CACNA1A: variants seen among roughly 807,000 people sequenced by gnomAD.
The protein encoded by CACNA1A is calcium voltage-gated channel subunit alpha1 A.
Under a neutral mutation model 262.4 loss-of-function variants are expected in CACNA1A, and 57 were observed. The ratio of observed to expected loss-of-function variants is 0.22; its 90% confidence interval spans 0.18 to 0.27. The LOEUF (loss-of-function observed/expected upper bound fraction) is 0.27, where lower values mean the gene tolerates loss of function less well. Among genes scored for constraint, CACNA1A ranks in the 10% least tolerant of loss-of-function variants. The pLI is 1.00. For synonymous variants in CACNA1A, 1,431 were observed against 1,419.3 expected (o/e 1.01, Z -0.18); for missense variants, 2,526 against 3,562.8 (o/e 0.71, Z 7.41).
At chr19:13,488,741 A>C (rs1980364868) in intron 1 of CACNA1A, among the ~76,000 whole-genome samples, 1 of 151,984 alleles carries the variant, frequency 6.6e-6, no homozygotes, top group Middle Eastern at 3.2e-3. Flanking sequence ...AGGTGCAGTC[A>C]AGATCACCTG....
chr19:13,356,861 T>C (rs1170095828), intron 6 of CACNA1A, among the ~76,000 whole-genome samples: 5 of 152,144 alleles, frequency 3.3e-5, no homozygotes, highest in African/African-American at 1.2e-4. Context: ...TGACCCTTTG[T>C]CCAAGCTGTT....
At chr19:13,371,536 T>A (rs1424235525) in intron 4 of CACNA1A, 152 bp downstream of exon 4, 2 of 624,438 alleles carry the variant, frequency 3.2e-6, no homozygotes, top group Admixed American at 2.9e-5. Flanking sequence ...GTCATATTCC[T>A]AGGGGGTTCC....
rs28413664 is a variant in CACNA1A at position 13,298,605 on chromosome 19, G to C, written c.3028C>G (p.Pro1010Ala). The change falls in exon 19 of 47, where the codon CCA (proline) becomes GCA (alanine). Residue 1010 changes from proline to alanine, a missense_variant. Coordinates refer to ENST00000360228, the MANE Select transcript of CACNA1A (RefSeq NM_001127222.2). ...ERRRRHRHGA[P>A]ATYEGDARRE... ...CGCGCGTCCCCCTCGTACGTGGCTG[G>C]AGCGCCATGCCGGTGCCTTCTCCTG... 3.9e-3 allele frequency: 6,074 copies of C among 1,538,708 alleles called. 199 individuals carry two copies. The African/African-American group carries it at 0.073, about 19-fold the overall frequency.
chr19:13,479,007 G>A (rs149773463), intron 1 of CACNA1A, among the ~76,000 whole-genome samples: 18 of 152,112 alleles, frequency 1.2e-4, no homozygotes, highest in African/African-American at 4.3e-4. Flanking sequence ...AACCCCATCT[G>A]TACTAAAAAT....
chr19:13,239,319 A>G (rs1176899491), intron 31 of CACNA1A, among the ~76,000 whole-genome samples: 2 of 152,060 alleles, frequency 1.3e-5, no homozygotes, highest in East Asian at 3.9e-4. Context: ...GTCCCACCAC[A>G]GGGCCTTTGC....
At chr19:13,232,231 C>G (rs1365706727) in intron 34 of CACNA1A, among the ~76,000 whole-genome samples, 2 of 145,928 alleles carry the variant, frequency 1.4e-5, no homozygotes, top group Non-Finnish European at 3.0e-5. Context: ...GGGTCTTGCT[C>G]TGTTACCCAG....
chr19:13,298,648 G>T lies in CACNA1A; in HGVS notation c.2985C>A (p.Gly995=), dbSNP rs1051973. ...TTCTCCTGCGCTCGCCCCCGTCGGG[G>T]CCCTCGCCCTCGCCCTCGCCGCCCC... is the stretch of plus-strand genomic sequence containing the variant. ...PARGGEGEGE[G]PDGGERRRRH... The change falls in exon 19 of 47, where the codon GGC becomes GGA. Residue 995 remains glycine, a synonymous_variant. Transcript: ENST00000360228. 8.0e-6 allele frequency: 12 copies of T among 1,500,650 alleles called. No homozygotes were observed. Among genetic ancestry groups the T allele is most frequent in the Non-Finnish European group, 1.1e-5 (12 of 1,125,030 alleles). The allele number at this position is 1,500,650 out of a possible 1,614,324, so 93.0% of individuals were successfully genotyped here.
chr19:13,505,212 G>T (rs1298597610), intron 1 of CACNA1A, among the ~76,000 whole-genome samples: 1 of 152,154 alleles, frequency 6.6e-6, no homozygotes, highest in Non-Finnish European at 1.5e-5. Context: ...AGATGATGAG[G>T]TTCCCCAATC....
At chr19:13,441,747 C>T (rs1230557319) in intron 3 of CACNA1A, among the ~76,000 whole-genome samples, 1 of 151,946 alleles carries the variant, frequency 6.6e-6, no homozygotes, top group Non-Finnish European at 1.5e-5. Flanking sequence ...AAGCGGCCCA[C>T]CAGGCAGCCA....
intron 4 of CACNA1A, among the ~76,000 whole-genome samples, chr19:13,366,964 A>G (rs1340218654): frequency 6.6e-6 from 1 of 152,150 alleles, no homozygotes; most frequent in Non-Finnish European, 1.5e-5. Flanking sequence ...AGGCTAACAG[A>G]GATGCTGTGA....
At chr19:13,209,077 CAGGAGGCCA>C in intron 45 of CACNA1A, 68 bp from the exon 46 acceptor site, 8 of 1,530,412 alleles carry the variant, frequency 5.2e-6, no homozygotes, top group Non-Finnish European at 6.1e-6. Context: ...GATGCACACA[CAGGAGGCCA>C]CCTGGAAGGT....
At chr19:13,208,141 G>A (rs140581674) in intron 46 of CACNA1A, 88 bp from the exon 47 acceptor site, 83 of 644,526 alleles carry the variant, frequency 1.3e-4, no homozygotes, top group African/African-American at 1.3e-3. Context: ...AGAGGGGAGC[G>A]AAGGGAGAGG....
Position 13,208,879 on chromosome 19 carries a change from ATGGTGGTGG to A in CACNA1A, c.6648_6656del (p.His2217_His2219del), listed in dbSNP as rs759331923. ...AGCGGTCCTTGTCGGGGGGCGGGGG[ATGGTGGTGG>A]TGGTGGTGGTGGTGGTGGTGCTGTC... On this transcript the variant is annotated inframe_deletion, in exon 46 of 47. Coordinates refer to ENST00000360228, the MANE Select transcript of CACNA1A (RefSeq NM_001127222.2). The A allele has an allele frequency of 8.0e-5, 116 of 1,454,150 alleles. No individual in the cohort carries two copies. Among genetic ancestry groups the A allele is most frequent in the Non-Finnish European group, 9.2e-5 (99 of 1,081,372 alleles). 90.1% of individuals were successfully genotyped at this position (1,454,150 alleles called of 1,614,324 possible).
At chr19:13,248,105 A>G (rs1454858212) in intron 30 of CACNA1A, among the ~76,000 whole-genome samples, 1 of 151,938 alleles carries the variant, frequency 6.6e-6, no homozygotes, top group Non-Finnish European at 1.5e-5. Flanking sequence ...TCTCTCCCTT[A>G]CTGCCCTGCA....
At chr19:13,367,552 C>G (rs1219697450) in intron 4 of CACNA1A, among the ~76,000 whole-genome samples, 2 of 151,906 alleles carry the variant, frequency 1.3e-5, no homozygotes, top group Non-Finnish European at 2.9e-5. Context: ...ATGGTGAAAC[C>G]CCGTCTCTAC....
chr19:13,214,477 C>T lies in CACNA1A; in HGVS notation c.5839+24G>A, dbSNP rs560179255. ...CTCCATCTGTCCTGGTGGATTGGAT[C>T]CCAGGGCTGGGCTCAGCTCTTACAC... On this transcript the variant is annotated intron_variant, in intron 39 of 46. Transcript: ENST00000360228. This position sits in a 1 kb window ranked among gnomAD's most constrained non-coding sequence, Gnocchi z 4.1. 10 of 1,592,406 alleles carry T rather than the reference C, an allele frequency of 6.3e-6. No individual in the cohort carries two copies. In the African/African-American group the frequency reaches 1.3e-4, roughly 21 times the overall value.
intron 24 of CACNA1A, chr19:13,274,811 C>T (rs956734224): frequency 6.6e-6 from 1 of 152,136 alleles, no homozygotes; most frequent in Non-Finnish European, 1.5e-5. Flanking sequence ...ACTTGGGGGT[C>T]ACCTTCGAGT....
chr19:13,407,060 T>C (rs1051714993), intron 3 of CACNA1A, among the ~76,000 whole-genome samples: 7 of 152,170 alleles, frequency 4.6e-5, no homozygotes, highest in Non-Finnish European at 7.3e-5. Flanking sequence ...CCAGCTCTGC[T>C]ACCTGGGCAA....
At position 13,209,356 on chromosome 19, in the gene CACNA1A, C is replaced by T. The variant is rs769503871; in HGVS notation, c.6482G>A (p.Arg2161His). 9.4e-6 allele frequency: 13 copies of T among 1,385,370 alleles called. No homozygotes were observed. Among genetic ancestry groups the T allele is most frequent in the East Asian group, 5.6e-5 (2 of 35,550 alleles). The allele number at this position is 1,385,370 out of a possible 1,614,324, so 85.8% of individuals were successfully genotyped here. A position where few individuals can be genotyped will look rare whatever the true frequency, so the allele number is the denominator to read the frequency against. The change falls in exon 45 of 47, where the codon CGC becomes CAC. Residue 2161 changes from arginine (R) to histidine (H), a missense_variant. Around this residue, in one of 17 missense-constraint regions of CACNA1A, gnomAD observed 929 missense variants for 868.1 expected, o/e 1.07. Coordinates refer to ENST00000360228, the MANE Select transcript of CACNA1A (RefSeq NM_001127222.2). Reference protein sequence around the residue: ...HHQRRRDRSHRASERSLGRYT... With the variant: ...HHQRRRDRSHHASERSLGRYT... ...GCGGCCCAGGGAGCGCTCAGAGGCG[C>T]GGTGGCTGCGGTCGCGGCGCCGCTG...
Sources: allele counts gnomAD v4.1 joint callset (sites outside exome capture counted in the v4.1 genomes callset), GRCh38; gene constraint gnomAD v4.1.1; regional missense constraint gnomAD v4.1.1; non-coding constraint Gnocchi (gnomAD v3.1); transcripts MANE v1.5; gene names NCBI Gene and HGNC (gene_info 2026-07-23, HGNC 2026-07-21).